The following CR1 variants were observed in gnomAD, a reference collection of about 807,000 sequenced individuals.
CR1 encodes the protein complement receptor type 1.
A neutral mutation model predicts 187.3 loss-of-function variants in CR1; 116 were observed. The ratio of observed to expected loss-of-function variants is 0.62; its 90% CI spans 0.53 to 0.72. The LOEUF is 0.72. Among genes scored for constraint, CR1 ranks in the 30% least tolerant of loss-of-function variants. CR1 has a pLI of 0.00. For missense variants in CR1, 1,731 were observed against 2,110.7 expected, an observed-to-expected ratio of 0.82 and a Z score of 3.52; for synonymous variants, 576 against 747.1, an observed-to-expected ratio of 0.77 and a Z score of 3.73.
At chr1:207,507,412 C>G (rs187752447) in intron 3 of CR1, 8 of 152,682 alleles carry the variant, frequency 5.2e-5, no homozygotes, top group African/African-American at 1.9e-4. Context: ...GTTTCTGTCT[C>G]TGTCCTCACA....
intron 35 of CR1, among the ~76,000 whole-genome samples, chr1:207,596,393 C>T (rs1462720641): frequency 6.6e-6 from 1 of 152,068 alleles, no homozygotes; most frequent in East Asian, 1.9e-4. Context: ...GCGGGCAGAA[C>T]ACCTGAGGTC....
chr1:207,617,507 ATGTGTGTGTGTG>A (rs1167357538), intron 41 of CR1, among the ~76,000 whole-genome samples: 1 of 47,010 alleles, frequency 2.1e-5, no homozygotes, highest in African/African-American at 6.3e-5. Flanking sequence ...ATATATATAT[ATGTGTGTGTGTG>A]TGTGTGTGTG....
At position 207,581,003 on chromosome 1, in the gene CR1, T is replaced by C. The variant is rs1043287868; in HGVS notation, c.5216+390T>C. On this transcript the variant is annotated intron_variant, in intron 31 of 46. Transcript: ENST00000367049. The stretch of plus-strand genomic sequence containing the variant: ...CTCAACTCATTTGATTTCTCACTTA[T>C]AGAGGCTCAGAAGTAAAATCATTTT... Among the ~76,000 whole-genome samples, 10 of 152,058 alleles carry C rather than the reference T, an allele frequency of 6.6e-5. No homozygotes were observed. In the East Asian group the frequency reaches 1.5e-3, roughly 23 times the overall value.
intron 40 of CR1, among the ~76,000 whole-genome samples, chr1:207,615,368 A>G: frequency 6.6e-6 from 1 of 152,362 alleles, no homozygotes; most frequent in East Asian, 1.9e-4. Context: ...AATGGTAGTT[A>G]AATAGGGATG....
intron 4 of CR1, among the ~76,000 whole-genome samples, chr1:207,515,326 A>T (rs1432260351): frequency 6.6e-6 from 1 of 150,392 alleles, no homozygotes; most frequent in Non-Finnish European, 1.5e-5. Context: ...ACACATATAT[A>T]TAGTGTGTAT....
At chr1:207,605,024 T>C (rs1661706086) in intron 35 of CR1, among the ~76,000 whole-genome samples, 1 of 152,102 alleles carries the variant, frequency 6.6e-6, no homozygotes, top group African/African-American at 2.4e-5. Context: ...TTTGGGAGGC[T>C]GAGGCATACG....
chr1:207,519,330 T>C (rs1020837659), intron 4 of CR1, among the ~76,000 whole-genome samples: 1 of 151,938 alleles, frequency 6.6e-6, no homozygotes, highest in Non-Finnish European at 1.5e-5. Context: ...AAATTTAATA[T>C]AGTTACTGAT....
In CR1 at chr1:207,580,376, A is replaced by G. The variant is rs553480368; in HGVS notation, c.5073A>G (p.Thr1691=). The G allele has an allele frequency of 9.3e-6, 15 of 1,613,242 alleles. No homozygotes were observed. In the African/African-American group the frequency reaches 1.9e-4, roughly 20 times the overall value. ...DLRGAASLHC[T]PQGDWSPEAP... ...GAGGGGCTGCGTCTCTGCACTGCAC[A>G]CCCCAGGGAGACTGGAGCCCTGAAG... The change falls in exon 30 of 47, where the codon ACA becomes ACG. Residue 1691 remains threonine (T), a synonymous_variant. Transcript: ENST00000367049.
At chr1:207,580,655 A>G (rs767111083) in intron 31 of CR1, 42 bp downstream of exon 31, 2 of 1,522,372 alleles carry the variant, frequency 1.3e-6, no homozygotes, top group South Asian at 2.3e-5. Context: ...TCAGCACTGC[A>G]GAGTGACTCT....
intron 24 of CR1, among the ~76,000 whole-genome samples, chr1:207,566,755 C>A (rs1204629337): frequency 6.7e-6 from 1 of 150,260 alleles, no homozygotes; most frequent in Non-Finnish European, 1.5e-5. Flanking sequence ...TTCTCCTAGT[C>A]TACCCATGTA....
At chr1:207,610,759 GA>G (rs1191771916) in intron 37 of CR1, among the ~76,000 whole-genome samples, 36 of 152,064 alleles carry the variant, frequency 2.4e-4, no homozygotes, top group African/African-American at 8.2e-4. Context: ...TTTTTTCTTT[GA>G]GGGGGGGTTG....
At chr1:207,614,095 T>C (rs1662022309) in intron 39 of CR1, among the ~76,000 whole-genome samples, 1 of 152,240 alleles carries the variant, frequency 6.6e-6, no homozygotes, top group Non-Finnish European at 1.5e-5. Flanking sequence ...AGTATGGTTC[T>C]GTGTTCATGC....
chr1:207,636,044 C>T (rs777328094), intron 46 of CR1, among the ~76,000 whole-genome samples: 1 of 151,932 alleles, frequency 6.6e-6, no homozygotes, highest in Non-Finnish European at 1.5e-5. Context: ...TACACAGACA[C>T]AGTAACAATC....
chr1:207,589,097 T>C (rs1019288483), intron 35 of CR1, among the ~76,000 whole-genome samples: 1 of 152,230 alleles, frequency 6.6e-6, no homozygotes, highest in Non-Finnish European at 1.5e-5. Context: ...AGTTGAACCA[T>C]GTAAACCTCC....
intron 36 of CR1, among the ~76,000 whole-genome samples, chr1:207,608,260 AG>A (rs1299982548): frequency 6.6e-6 from 1 of 152,210 alleles, no homozygotes; most frequent in Non-Finnish European, 1.5e-5. Context: ...GAGGAATTAA[AG>A]GTTGAGATGC....
intron 1 of CR1, among the ~76,000 whole-genome samples, chr1:207,498,890 A>AAAAAAAAAG (rs911285366): frequency 2.7e-5 from 4 of 149,320 alleles, no homozygotes; most frequent in African/African-American, 7.4e-5. Flanking sequence ...AAAAAAAAAA[A>AAAAAAAAAG]AAAGAAACAA....
intron 4 of CR1, among the ~76,000 whole-genome samples, chr1:207,520,349 G>C (rs1659936760): frequency 6.6e-6 from 1 of 152,230 alleles, no homozygotes; most frequent in African/African-American, 2.4e-5. Context: ...TCGCAGATAT[G>C]CTGCCGTGAC....
chr1:207,584,936 T>C (rs1321148475), intron 33 of CR1, 60 bp downstream of exon 33: 3 of 1,596,704 alleles, frequency 1.9e-6, no homozygotes, highest in South Asian at 1.1e-5. Context: ...CAATCCCTCA[T>C]GTTTCTGTAA....
At chr1:207,629,873 A>T (rs1662589374) in intron 45 of CR1, among the ~76,000 whole-genome samples, 1 of 152,222 alleles carries the variant, frequency 6.6e-6, no homozygotes, top group African/African-American at 2.4e-5. Flanking sequence ...ACTTATCCTC[A>T]GTAAATTTCA....
Sources: gnomAD v4.1 joint callset for allele counts (sites outside exome capture counted in the v4.1 genomes callset) on GRCh38, gnomAD v4.1.1 for gene constraint, MANE v1.5 for transcripts, NCBI Gene and HGNC (gene_info 2026-07-23, HGNC 2026-07-21) for gene names.